PPM1K: variants seen among roughly 807,000 people sequenced by gnomAD.
PPM1K encodes protein phosphatase Mn(2+)-dependent 1K.
A neutral mutation model predicts 32.6 loss-of-function variants in PPM1K; 19 were observed. That is an observed-to-expected ratio of 0.58 (90% CI 0.41 to 0.86). The LOEUF (loss-of-function observed/expected upper bound fraction) is 0.86. Among genes scored for constraint, PPM1K ranks in the 40% least tolerant of loss-of-function variants. The pLI is 0.00. For synonymous variants in PPM1K, 159 were observed against 165.3 expected (o/e 0.96, Z 0.29); for missense variants, 362 against 461.2 (o/e 0.78, Z 1.97).
chr4:88,267,110 G>C (rs894702435), intron 5 of PPM1K, among the ~76,000 whole-genome samples: 1 of 151,738 alleles, frequency 6.6e-6, no homozygotes, highest in African/African-American at 2.4e-5. Context: ...CTGATTGGGT[G>C]CAGGTGATGC....
rs1390677463 is a variant in PPM1K, at chr4:88,261,141, T to G, written c.*1454A>C. 6.6e-6 allele frequency: 1 copy of G among 152,198 alleles called. No homozygotes were observed. Among genetic ancestry groups the G allele is most frequent in the Non-Finnish European group, 1.5e-5 (1 of 68,038 alleles). 9.4% of individuals were successfully genotyped at this position (152,198 alleles called of 1,614,324 possible). On this transcript the variant is annotated 3_prime_UTR_variant, in exon 7 of 7. Transcript: ENST00000608933. Reference sequence around the variant, plus strand: ...TGCAGAAATAAACTACGGAAATAATTCCAAATACACATTTAGAAATTCACA... The same window carrying G: ...TGCAGAAATAAACTACGGAAATAATGCCAAATACACATTTAGAAATTCACA...
intron 3 of PPM1K, among the ~76,000 whole-genome samples, chr4:88,269,267 A>G (rs1056888101): frequency 6.6e-6 from 1 of 152,188 alleles, no homozygotes; most frequent in Non-Finnish European, 1.5e-5. Flanking sequence ...AAATTTAATT[A>G]GGTTGGCTAT....
chr4:88,268,438 C>G (rs540114300), intron 4 of PPM1K, 104 bp from the exon 5 acceptor site: 6 of 1,318,292 alleles, frequency 4.6e-6, no homozygotes, highest in Non-Finnish European at 6.4e-6. Context: ...CTGGCTAACA[C>G]GGTGAAACCC....
rs369230362 is a variant in PPM1K, at chr4:88,278,556, C to T, written c.28G>A (p.Val10Ile). Reference protein sequence around the residue: MSTAALITLVRSGGNQVRRR... With the variant: MSTAALITLIRSGGNQVRRR... The stretch of plus-strand genomic sequence containing the variant: ...CTCACCTGGTTCCCACCACTTCTGA[C>T]CAAAGTAATTAAGGCAGCTGTTGAC... The change falls in exon 2 of 7, where the codon GTC (valine) becomes ATC (isoleucine). Residue 10 changes from valine (V) to isoleucine (I), a missense_variant. Coordinates refer to ENST00000608933, the MANE Select transcript of PPM1K (RefSeq NM_152542.5). This position sits in a 1 kb window ranked among gnomAD's most constrained non-coding sequence, Gnocchi z 4.2. The T allele has an allele frequency of 6.2e-7, 1 of 1,611,748 alleles. No homozygotes were observed. Among genetic ancestry groups the T allele is most frequent in the Non-Finnish European group, 8.5e-7 (1 of 1,178,910 alleles).
chr4:88,273,834 G>A (rs1488872539), intron 3 of PPM1K, among the ~76,000 whole-genome samples: 1 of 152,138 alleles, frequency 6.6e-6, no homozygotes, highest in Non-Finnish European at 1.5e-5. Context: ...GATTAGGGTG[G>A]GGGTGGCCAG....
chr4:88,268,426 T>G, intron 4 of PPM1K, 92 bp from the exon 5 acceptor site: 2 of 1,434,132 alleles, frequency 1.4e-6, no homozygotes, highest in Non-Finnish European at 1.9e-6. Flanking sequence ...ATCGAGACCA[T>G]CCTGGCTAAC....
chr4:88,278,019 C>A lies in PPM1K; in HGVS notation c.440+125G>T. The A allele has an allele frequency of 2.8e-6, 2 of 720,902 alleles. No homozygotes were observed. The highest frequency in any genetic ancestry group is 4.6e-6 in the Non-Finnish European group (2 of 437,096). The allele number at this position is 720,902 out of a possible 1,614,324, so 44.7% of individuals were successfully genotyped here. ...TGGCACACTTAAACTACTGCTCATT[C>A]GTGAAGCAGCAGCATGCAACCACTC... On this transcript the variant is annotated intron_variant, in intron 2 of 6. Transcript: ENST00000608933. This position sits in a 1 kb window ranked among gnomAD's most constrained non-coding sequence, Gnocchi z 4.2.
At position 88,274,055 on chromosome 4, in the gene PPM1K, T is replaced by A. The variant is rs1195505309; in HGVS notation, c.541+3088A>T. ...TGCAGGAGAGAGCTTTTCTCTTTCT[T>A]TCACCTATTAAGTCTCCACTCCTAA... On this transcript the variant is annotated intron_variant, in intron 3 of 6. Coordinates refer to ENST00000608933, the MANE Select transcript of PPM1K (RefSeq NM_152542.5). Among the ~76,000 whole-genome samples the A allele has an allele frequency of 2.0e-5, 3 of 152,274 alleles. No individual in the cohort carries two copies. In the East Asian group the frequency reaches 5.8e-4, roughly 29 times the overall value.
intron 3 of PPM1K, among the ~76,000 whole-genome samples, chr4:88,273,101 G>A (rs1731629273): frequency 6.6e-6 from 1 of 152,192 alleles, no homozygotes; most frequent in African/African-American, 2.4e-5. Flanking sequence ...ATAATTTGAA[G>A]TTCTTTATGT....
chr4:88,269,021 T>C, intron 3 of PPM1K, 115 bp from the exon 4 acceptor site: 2 of 883,584 alleles, frequency 2.3e-6, no homozygotes, highest in Non-Finnish European at 3.4e-6. Context: ...AATATATCAT[T>C]CTAATTTAAC....
chr4:88,271,690 C>G (rs1276810829), intron 3 of PPM1K, among the ~76,000 whole-genome samples: 1 of 152,100 alleles, frequency 6.6e-6, no homozygotes, highest in African/African-American at 2.4e-5. Flanking sequence ...AAAGGTAAAT[C>G]TACAGTTACA....
intron 5 of PPM1K, among the ~76,000 whole-genome samples, chr4:88,267,623 G>A (rs1372056031): frequency 6.6e-6 from 1 of 152,236 alleles, no homozygotes; most frequent in Non-Finnish European, 1.5e-5. Context: ...TTGCCTGGTG[G>A]CAGGACATCA....
rs1731899572 is a variant in PPM1K, at chr4:88,278,855, G to GA, written c.-59-214dup. On this transcript the variant is annotated intron_variant, in intron 1 of 6. Coordinates refer to ENST00000608933, the MANE Select transcript of PPM1K (RefSeq NM_152542.5). The surrounding 1 kb of genome is among the most constrained non-coding windows in gnomAD (Gnocchi z 4.2). Reference sequence around the variant, plus strand: ...TAGGCATCCAGTAGCCTGCTTCTAAGAACAGTGGATCAAAAATGAATCGAT... The same window carrying GA: ...TAGGCATCCAGTAGCCTGCTTCTAAGAAACAGTGGATCAAAAATGAATCGAT... 5.3e-6 allele frequency: 2 copies of GA among 380,814 alleles called. No homozygotes were observed. The highest frequency in any genetic ancestry group is 9.9e-5 in the East Asian group (2 of 20,102). 23.6% of individuals were successfully genotyped at this position (380,814 alleles called of 1,614,324 possible). A position where few individuals can be genotyped will look rare whatever the true frequency, so the allele number is the denominator to read the frequency against.
At chr4:88,268,634 G>GA in intron 4 of PPM1K, 107 bp downstream of exon 4, 2 of 1,243,878 alleles carry the variant, frequency 1.6e-6, no homozygotes, top group Non-Finnish European at 2.3e-6. Flanking sequence ...AAAACAAAAA[G>GA]AAAACCAAGT....
chr4:88,276,927 T>C (rs1181177128), intron 3 of PPM1K: 5 of 729,286 alleles, frequency 6.9e-6, no homozygotes, highest in Non-Finnish European at 9.7e-6. Context: ...TGAAAAATTC[T>C]CCAATATATT....
rs144088045 is a variant in PPM1K, at chr4:88,258,517, A to T, written c.*4078T>A. ...GTGGCATGCACGAGTAGTCCCAGCT[A>T]CTCCAGAGGCTGAGGCAGGAGAATC... On this transcript the variant is annotated 3_prime_UTR_variant, in exon 7 of 7. Coordinates refer to ENST00000608933, the MANE Select transcript of PPM1K (RefSeq NM_152542.5). 61 of 151,744 alleles carry T rather than the reference A, an allele frequency of 4.0e-4. No individual in the cohort carries two copies. In the East Asian group the frequency reaches 0.011, roughly 28 times the overall value. 9.4% of individuals were successfully genotyped at this position (151,744 alleles called of 1,614,324 possible). A position where few individuals can be genotyped will look rare whatever the true frequency, so the allele number is the denominator to read the frequency against.
Position 88,276,469 on chromosome 4 carries a change from T to C in PPM1K, c.541+674A>G, listed in dbSNP as rs565699744. The C allele has an allele frequency of 5.9e-5, 58 of 985,330 alleles. 1 individual carries two copies. The highest frequency in any genetic ancestry group is 5.2e-4 in the Middle Eastern group (1 of 1,936). 61.0% of individuals were successfully genotyped at this position (985,330 alleles called of 1,614,324 possible). ...CTGAATTTTCGTGAAATGGTTTTGATAAATTTAGTCAAAACCAGAAACATT... is the reference window on the plus strand; with the variant it reads ...CTGAATTTTCGTGAAATGGTTTTGACAAATTTAGTCAAAACCAGAAACATT... On this transcript the variant is annotated intron_variant, in intron 3 of 6. Transcript: ENST00000608933.
chr4:88,275,742 A>G (rs1168265224), intron 3 of PPM1K: 1 of 985,316 alleles, frequency 1.0e-6, no homozygotes, highest in Non-Finnish European at 1.2e-6. Flanking sequence ...ATGAAATAAG[A>G]GCATACCAAA....
Position 88,273,527 on chromosome 4 carries a change from A to G in PPM1K, c.541+3616T>C, listed in dbSNP as rs561209710. On this transcript the variant is annotated intron_variant, in intron 3 of 6. Transcript: ENST00000608933. ...AAAACCCCGCCTCTACTAAAAATACAAAAATTAGGTAGGCATGGTGGCAGG... is the reference window on the plus strand; with the variant it reads ...AAAACCCCGCCTCTACTAAAAATACGAAAATTAGGTAGGCATGGTGGCAGG... 4.6e-5 allele frequency among the ~76,000 whole-genome samples: 7 copies of G among 152,242 alleles called. No individual in the cohort carries two copies. The South Asian group carries it at 8.3e-4, about 18-fold the overall frequency.
Sources: allele counts gnomAD v4.1 joint callset (sites outside exome capture counted in the v4.1 genomes callset), GRCh38; gene constraint gnomAD v4.1.1; non-coding constraint Gnocchi (gnomAD v3.1); transcripts MANE v1.5; gene names NCBI Gene and HGNC (gene_info 2026-07-23, HGNC 2026-07-21).